The following CAND2 variants were observed in gnomAD, a reference collection of about 807,000 sequenced individuals.
CAND2 encodes cullin associated and neddylation dissociated 2 (putative).
Under a neutral mutation model 98.9 loss-of-function variants are expected in CAND2, and 62 were observed. The observed-to-expected ratio is 0.63, with a 90% CI of 0.51 to 0.77. The LOEUF (loss-of-function observed/expected upper bound fraction) is 0.77, where lower values mean the gene tolerates loss of function less well. Among genes scored for constraint, CAND2 ranks in the 30% least tolerant of loss-of-function variants. CAND2 has a pLI of 0.00. For synonymous variants in CAND2, 770 were observed against 731.9 expected (o/e 1.05, Z -0.84); for missense variants, 1,501 against 1,655.2 (o/e 0.91, Z 1.62).
chr3:12,813,540 AC>A (rs2061872141), intron 7 of CAND2, 152 bp downstream of exon 7: 1 of 686,738 alleles, frequency 1.5e-6, no homozygotes, highest in Non-Finnish European at 2.5e-6. Context: ...GACTGCACAG[AC>A]CACAGTAATG....
chr3:12,820,616 G>T (rs529728481), intron 11 of CAND2, among the ~76,000 whole-genome samples: 2 of 152,180 alleles, frequency 1.3e-5, no homozygotes, highest in Non-Finnish European at 2.9e-5. Flanking sequence ...CCCCGGCCCC[G>T]CCTGTCCACT....
At chr3:12,821,233 CAAAAAA>C (rs10589402) in intron 11 of CAND2, among the ~76,000 whole-genome samples, 11 of 139,832 alleles carry the variant, frequency 7.9e-5, no homozygotes, top group Non-Finnish European at 1.1e-4. Context: ...GACTCCGTCT[CAAAAAA>C]AAAAAAAAAA....
At chr3:12,827,724 A>G (rs1320131433) in intron 13 of CAND2, 120 bp downstream of exon 13, 2 of 965,876 alleles carry the variant, frequency 2.1e-6, no homozygotes, top group Non-Finnish European at 3.0e-6. Context: ...AAATAGCTGC[A>G]TTGTTGTTTT....
intron 10 of CAND2, among the ~76,000 whole-genome samples, chr3:12,819,500 G>A (rs567351814): frequency 6.6e-5 from 10 of 152,118 alleles, no homozygotes; most frequent in South Asian, 6.2e-4. Flanking sequence ...GAAAGCAAGC[G>A]GCAAAGCACA....
intron 6 of CAND2, 23 bp from the exon 7 acceptor site, chr3:12,813,223 G>A (rs1281795314): frequency 1.2e-6 from 2 of 1,611,256 alleles, no homozygotes; most frequent in South Asian, 2.2e-5. Context: ...ATCCAGCAAA[G>A]CATTCCTCAT....
At chr3:12,820,593 G>A (rs2061949742) in intron 11 of CAND2, among the ~76,000 whole-genome samples, 1 of 152,202 alleles carries the variant, frequency 6.6e-6, no homozygotes, top group Non-Finnish European at 1.5e-5. Flanking sequence ...AGTGGGGCAG[G>A]GAAGAGTGCT....
In CAND2 at chr3:12,815,131, C is replaced by T. The variant is rs1559552399; in HGVS notation, c.1007-10C>T. The stretch of plus-strand genomic sequence containing the variant: ...ATGAGGGTTCCACGTGTGTCTTGTT[C>T]CTGCCCCAGAGAGTGAAGACGAGTA... On this transcript the variant is annotated splice_polypyrimidine_tract_variant and intron_variant, in intron 7 of 14. Coordinates refer to ENST00000456430, the MANE Select transcript of CAND2 (RefSeq NM_001162499.2). This position sits in a 1 kb window ranked among gnomAD's most constrained non-coding sequence, Gnocchi z 5.7. The T allele has an allele frequency of 6.3e-7, 1 of 1,597,592 alleles. No homozygotes were observed. The highest frequency in any genetic ancestry group is 2.2e-5 in the East Asian group (1 of 44,574).
chr3:12,816,045 G>C lies in CAND2; in HGVS notation c.1441+37G>C, dbSNP rs755245571. 5.6e-6 allele frequency: 9 copies of C among 1,595,836 alleles called. No homozygotes were observed. In the East Asian group the frequency reaches 2.0e-4, roughly 36 times the overall value. The stretch of plus-strand genomic sequence containing the variant: ...TGCAACCAGGTATCTGCTGTTCTGG[G>C]CCACTTCCAGAACCCAGACCCCACC... On this transcript the variant is annotated intron_variant, in intron 9 of 14. Coordinates refer to ENST00000456430, the MANE Select transcript of CAND2 (RefSeq NM_001162499.2).
At chr3:12,808,420 C>T (rs981405590) in intron 4 of CAND2, 87 bp downstream of exon 4, 2 of 1,422,032 alleles carry the variant, frequency 1.4e-6, no homozygotes, top group Admixed American at 2.0e-5. Flanking sequence ...ACCTACTGCA[C>T]ACCAGGCCCT....
At position 12,810,137 on chromosome 3, in the gene CAND2, G is replaced by C. The variant is rs1243190605; in HGVS notation, c.570G>C (p.Ala190=). ...CACAGCTGAGCAGCCCGCGCCTGGC[G>C]GTGCGCAAGCGGGCGGTCGGAGCGC... ...LLPQLSSPRL[A]VRKRAVGALG... Residue 190 remains alanine (A), a synonymous_variant, in exon 5 of 15, where the codon GCG becomes GCC. Transcript: ENST00000456430. 3.9e-6 allele frequency: 6 copies of C among 1,523,042 alleles called. No individual in the cohort carries two copies. In the South Asian group the frequency reaches 4.9e-5, roughly 12 times the overall value. The allele number at this position is 1,523,042 out of a possible 1,614,324, so 94.3% of individuals were successfully genotyped here. A position where few individuals can be genotyped will look rare whatever the true frequency, so the allele number is the denominator to read the frequency against.
chr3:12,831,470 G>A lies in CAND2; in HGVS notation c.3381G>A (p.Leu1127=), dbSNP rs1418138784. 2 of 1,613,826 alleles carry A rather than the reference G, an allele frequency of 1.2e-6. No homozygotes were observed. The change falls in exon 14 of 15, where the codon CTG becomes CTA. Residue 1127 remains leucine (L), a synonymous_variant. Transcript: ENST00000456430. Reference sequence around the variant, plus strand: ...CATCTCCTTCCTCTGGGCAGATGCTGACCTTCATCATGGTTGCCCGGCTGG... The same window carrying A: ...CATCTCCTTCCTCTGGGCAGATGCTAACCTTCATCATGGTTGCCCGGCTGG... ...GLKDHYDIRM[L]TFIMVARLAT...
chr3:12,833,606 T>C (rs937141848), intron 14 of CAND2, 149 bp from the exon 15 acceptor site: 5 of 654,554 alleles, frequency 7.6e-6, no homozygotes, highest in Non-Finnish European at 1.3e-5. Flanking sequence ...AGGAAATAGC[T>C]GGTGAGACAG....
Position 12,807,381 on chromosome 3 carries a change from G to A in CAND2, c.288G>A (p.Arg96=). 6.4e-7 allele frequency: 1 copy of A among 1,551,780 alleles called. No individual in the cohort carries two copies. The highest frequency in any genetic ancestry group is 8.7e-7 in the Non-Finnish European group (1 of 1,147,008). ...TGGACACCCTGTGCACCAACATGCGGTCAGACAAGGAGCAGCTGCGAGACA... is the reference window on the plus strand; with the variant it reads ...TGGACACCCTGTGCACCAACATGCGATCAGACAAGGAGCAGCTGCGAGACA... ...TIVDTLCTNM[R]SDKEQLRDIA... Residue 96 remains arginine (R), a synonymous_variant, in exon 3 of 15, where the codon CGG becomes CGA. Coordinates refer to ENST00000456430, the MANE Select transcript of CAND2 (RefSeq NM_001162499.2).
At position 12,815,392 on chromosome 3, in the gene CAND2, C is replaced by G. The variant is rs758031161; in HGVS notation, c.1258C>G (p.Pro420Ala). The G allele has an allele frequency of 1.2e-6, 2 of 1,613,472 alleles. No individual in the cohort carries two copies. The highest frequency in any genetic ancestry group is 2.2e-5 in the South Asian group (2 of 91,056). Reference protein sequence around the residue: ...PKGWLEAMEEPTQTGSNLHML... With the variant: ...PKGWLEAMEEATQTGSNLHML... Reference sequence around the variant, plus strand: ...GGGATGGCTGGAGGCCATGGAGGAACCCACCCAGACCGGCAGCAACCTCCA... The same window carrying G: ...GGGATGGCTGGAGGCCATGGAGGAAGCCACCCAGACCGGCAGCAACCTCCA... Residue 420 changes from proline to alanine, a missense_variant, in exon 8 of 15, where the codon CCC becomes GCC. Coordinates refer to ENST00000456430, the MANE Select transcript of CAND2 (RefSeq NM_001162499.2). The surrounding 1 kb of genome is among the most constrained non-coding windows in gnomAD (Gnocchi z 5.7).
chr3:12,814,777 AG>A (rs1481234415), intron 7 of CAND2, among the ~76,000 whole-genome samples: 1 of 152,168 alleles, frequency 6.6e-6, no homozygotes, highest in Non-Finnish European at 1.5e-5. Context: ...CAGACAATTA[AG>A]GGTCTGGAGG....
intron 11 of CAND2, among the ~76,000 whole-genome samples, chr3:12,822,970 C>T (rs1037423417): frequency 6.6e-5 from 10 of 152,140 alleles, no homozygotes; most frequent in Admixed American, 2.6e-4. Flanking sequence ...ACCTACCTAC[C>T]CACCTATTTT....
chr3:12,799,782 G>C (rs1157739847), intron 1 of CAND2, among the ~76,000 whole-genome samples: 1 of 152,210 alleles, frequency 6.6e-6, no homozygotes, highest in Admixed American at 6.5e-5. Context: ...CTATAAAGGA[G>C]GGGTGCAGAG....
chr3:12,802,678 C>A lies in CAND2; in HGVS notation c.69-810C>A, dbSNP rs115938626. Among the ~76,000 whole-genome samples the A allele has an allele frequency of 8.5e-3, 1,296 of 152,306 alleles. 36 individuals are homozygous for A. Among genetic ancestry groups the A allele is most frequent in the South Asian group, 8.7e-3 (42 of 4,828 alleles). Reference sequence around the variant, plus strand: ...TGGGTCTCCTTGTAGCCCAACCATGCCCACTGCCCAAATAATCCACCATCA... The same window carrying A: ...TGGGTCTCCTTGTAGCCCAACCATGACCACTGCCCAAATAATCCACCATCA... On this transcript the variant is annotated intron_variant, in intron 1 of 14. Coordinates refer to ENST00000456430, the MANE Select transcript of CAND2 (RefSeq NM_001162499.2).
In CAND2 at chr3:12,816,743, A is replaced by G. The variant is rs1194378431; in HGVS notation, c.1811A>G (p.Asp604Gly). Reference sequence around the variant, plus strand: ...GGCCACCTTGTAGGCCACCTGGGTGACCGGCTTGGGGATGACCTGGAGCCC... The same window carrying G: ...GGCCACCTTGTAGGCCACCTGGGTGGCCGGCTTGGGGATGACCTGGAGCCC... ...CMGHLVGHLG[D>G]RLGDDLEPTL... The change falls in exon 10 of 15, where the codon GAC (aspartate) becomes GGC (glycine). Residue 604 changes from aspartate to glycine, a missense_variant. By Grantham distance (94) the Asp-to-Gly change is moderately conservative. Around this residue, in one of 3 missense-constraint regions of CAND2, gnomAD observed 1,427 missense variants for 1,545.3 expected, o/e 0.92. Transcript: ENST00000456430. 6.2e-7 allele frequency: 1 copy of G among 1,613,604 alleles called. No homozygotes were observed. Among genetic ancestry groups the G allele is most frequent in the Non-Finnish European group, 8.5e-7 (1 of 1,180,024 alleles).
Sources: gnomAD v4.1 joint callset for allele counts (sites outside exome capture counted in the v4.1 genomes callset) on GRCh38, gnomAD v4.1.1 for gene constraint, gnomAD v4.1.1 regional missense constraint, Gnocchi (gnomAD v3.1) non-coding constraint, MANE v1.5 for transcripts, NCBI Gene and HGNC (gene_info 2026-07-23, HGNC 2026-07-21) for gene names.